The following NME8 variants were observed in gnomAD, a reference collection of about 807,000 sequenced individuals.
NME8 encodes the protein protein NME8.
NME8 carries 72 observed loss-of-function variants against 82.3 expected under a neutral mutation model. The observed-to-expected ratio is 0.87, with a 90% CI of 0.72 to 1.06. The LOEUF is 1.06. Ranked by LOEUF, NME8 falls within the 50% of genes least tolerant of loss-of-function variation. NME8 has a pLI of 0.00. For synonymous variants in NME8, 267 were observed against 228.5 expected (o/e 1.17, Z -1.52); for missense variants, 712 against 685.4 (o/e 1.04, Z -0.43).
At position 37,885,994 on chromosome 7, in the gene NME8, A is replaced by G. The variant is rs144379367; in HGVS notation, c.1247+742A>G. Among the ~76,000 whole-genome samples, 565 of 152,314 alleles carry G rather than the reference A, an allele frequency of 3.7e-3. 3 individuals carry two copies. The highest frequency in any genetic ancestry group is 5.4e-3 in the Non-Finnish European group (370 of 68,028). ...TGCTCTTTAAGGTACTGCAAACATGACATACATGTTGACACAATAAATAAC... is the reference window on the plus strand; with the variant it reads ...TGCTCTTTAAGGTACTGCAAACATGGCATACATGTTGACACAATAAATAAC... On this transcript the variant is annotated intron_variant, in intron 14 of 17. Transcript: ENST00000199447.
chr7:37,872,067 T>C (rs920531523), intron 11 of NME8, among the ~76,000 whole-genome samples: 1 of 150,752 alleles, frequency 6.6e-6, no homozygotes, highest in Non-Finnish European at 1.5e-5. Flanking sequence ...CACCGAGAGT[T>C]TGGGGAGCTC....
At chr7:37,851,593 T>G (rs990604241) in intron 5 of NME8, among the ~76,000 whole-genome samples, 2 of 152,184 alleles carry the variant, frequency 1.3e-5, no homozygotes, top group African/African-American at 2.4e-5. Flanking sequence ...TTTTATACAT[T>G]GATTACATGT....
intron 11 of NME8, among the ~76,000 whole-genome samples, chr7:37,876,341 A>G (rs1055666616): frequency 6.6e-6 from 1 of 151,982 alleles, no homozygotes; most frequent in Non-Finnish European, 1.5e-5. Flanking sequence ...TACACAAAGA[A>G]TACCTCAACA....
chr7:37,887,913 C>T (rs1279440263), intron 14 of NME8, among the ~76,000 whole-genome samples: 1 of 152,062 alleles, frequency 6.6e-6, no homozygotes, highest in Admixed American at 6.6e-5. Context: ...AAACTGCCCC[C>T]ATGATTCAGT....
rs1562838236 is a variant in NME8, at chr7:37,882,600, AGAGAGAGAG to A, written c.995-1702_995-1694del. On this transcript the variant is annotated intron_variant, in intron 12 of 17. Coordinates refer to ENST00000199447, the MANE Select transcript of NME8 (RefSeq NM_016616.5). ...GAAAGAAAGAAAGAAAGAAAGAAAG[AGAGAGAGAG>A]AGAGAGAAAGAAAGAAAGAAAGAAA... 2.7e-3 allele frequency among the ~76,000 whole-genome samples: 216 copies of A among 79,992 alleles called. 2 individuals are homozygous for A. The highest frequency in any genetic ancestry group is 6.7e-3 in the African/African-American group (158 of 23,696). The allele number at this position is 79,992 out of a possible 152,430, so 52.5% of individuals were successfully genotyped here. A position where few individuals can be genotyped will look rare whatever the true frequency, so the allele number is the denominator to read the frequency against.
At chr7:37,890,392 T>G (rs1443551748) in intron 15 of NME8, among the ~76,000 whole-genome samples, 1 of 152,012 alleles carries the variant, frequency 6.6e-6, no homozygotes, top group Non-Finnish European at 1.5e-5. Flanking sequence ...AATAATCAAA[T>G]CAGGGTATAT....
chr7:37,890,349 A>G (rs1466549921), intron 15 of NME8, among the ~76,000 whole-genome samples: 1 of 152,018 alleles, frequency 6.6e-6, no homozygotes, highest in Non-Finnish European at 1.5e-5. Context: ...CATGGGGTAC[A>G]TTATGATGTT....
At chr7:37,876,235 T>C (rs201883367) in intron 11 of NME8, among the ~76,000 whole-genome samples, 4 of 83,622 alleles carry the variant, frequency 4.8e-5, no homozygotes, top group Admixed American at 1.1e-4. Context: ...TATATATAGA[T>C]AGATAGATAG....
intron 12 of NME8, among the ~76,000 whole-genome samples, chr7:37,882,292 G>C (rs1040583378): frequency 1.3e-5 from 2 of 151,982 alleles, no homozygotes; most frequent in African/African-American, 2.4e-5. Flanking sequence ...ATCAAGACCA[G>C]CTTGCACAAC....
At chr7:37,871,019 C>T (rs903843642) in intron 11 of NME8, among the ~76,000 whole-genome samples, 1 of 152,188 alleles carries the variant, frequency 6.6e-6, no homozygotes, top group African/African-American at 2.4e-5. Context: ...TTCACTTTCA[C>T]TCTTTATTGC....
chr7:37,882,629 A>G (rs1362255902), intron 12 of NME8, among the ~76,000 whole-genome samples: 9 of 125,544 alleles, frequency 7.2e-5, no homozygotes, highest in Non-Finnish European at 1.3e-4. Flanking sequence ...GAAAGAAAGA[A>G]AGAAAGAAAG....
chr7:37,883,093 A>G (rs1387687703), intron 12 of NME8, among the ~76,000 whole-genome samples: 1 of 152,174 alleles, frequency 6.6e-6, no homozygotes, highest in East Asian at 1.9e-4. Context: ...TCAAGGATTG[A>G]CAATCGACCT....
chr7:37,864,201 T>G, intron 8 of NME8, 147 bp from the exon 9 acceptor site: 4 of 967,368 alleles, frequency 4.1e-6, no homozygotes, highest in Non-Finnish European at 1.5e-6. Context: ...CCTCTGGTAG[T>G]TGAAATGCCG....
Position 37,896,931 on chromosome 7 carries a change from A to C in NME8, c.1606A>C (p.Met536Leu), listed in dbSNP as rs1785237823. Reference sequence around the variant, plus strand: ...TGCTGTTGCAGAATGGAGACGATTGATGGGCCCAACAGACCCAGAAGAAGC... The same window carrying C: ...TGCTGTTGCAGAATGGAGACGATTGCTGGGCCCAACAGACCCAGAAGAAGC... ...WNAVAEWRRL[M>L]GPTDPEEAKL... is the part of the protein sequence containing the mutation. Residue 536 changes from methionine to leucine, a missense_variant, in exon 17 of 18, where the codon ATG (methionine) becomes CTG (leucine). Coordinates refer to ENST00000199447, the MANE Select transcript of NME8 (RefSeq NM_016616.5). 6.2e-7 allele frequency: 1 copy of C among 1,613,718 alleles called. No individual in the cohort carries two copies. The highest frequency in any genetic ancestry group is 8.5e-7 in the Non-Finnish European group (1 of 1,179,870).
At chr7:37,882,317 T>C (rs906908447) in intron 12 of NME8, among the ~76,000 whole-genome samples, 1 of 151,856 alleles carries the variant, frequency 6.6e-6, no homozygotes, top group African/African-American at 2.4e-5. Flanking sequence ...TGAAACCTCA[T>C]CTCTACTAAA....
At chr7:37,881,234 T>C (rs937344565) in intron 12 of NME8, among the ~76,000 whole-genome samples, 4 of 152,170 alleles carry the variant, frequency 2.6e-5, no homozygotes, top group South Asian at 4.1e-4. Flanking sequence ...TGCTTTTTTT[T>C]CCGATCTTAG....
At position 37,897,678 on chromosome 7, in the gene NME8, C is replaced by A. The variant is rs1443154470; in HGVS notation, c.*15+571C>A. ...GATCCTTCCCCTCACCCCCCACCCC[C>A]CAACAGGCCCTGATGTATGTTGTTC... On this transcript the variant is annotated intron_variant, in intron 17 of 17. Coordinates refer to ENST00000199447, the MANE Select transcript of NME8 (RefSeq NM_016616.5). Among the ~76,000 whole-genome samples, 3 of 151,952 alleles carry A rather than the reference C, an allele frequency of 2.0e-5. No homozygotes were observed. The South Asian group carries it at 6.3e-4, about 32-fold the overall frequency.
intron 16 of NME8, among the ~76,000 whole-genome samples, chr7:37,895,367 T>C (rs1008165081): frequency 5.3e-5 from 8 of 152,292 alleles, no homozygotes; most frequent in Middle Eastern, 3.4e-3. Flanking sequence ...TTTATTTCAT[T>C]TGACTCTTAT....
At chr7:37,869,971 A>G (rs1784743737) in intron 11 of NME8, among the ~76,000 whole-genome samples, 1 of 152,056 alleles carries the variant, frequency 6.6e-6, no homozygotes. Context: ...AGGAACAATT[A>G]TTTTTCTTCC....
Sources: allele counts gnomAD v4.1 joint callset (sites outside exome capture counted in the v4.1 genomes callset), GRCh38; gene constraint gnomAD v4.1.1; transcripts MANE v1.5; gene names NCBI Gene and HGNC (gene_info 2026-07-23, HGNC 2026-07-21).